Variants in SLCO5A1 observed in about 807,000 individuals in gnomAD.
SLCO5A1 encodes the protein organic anion transporter polypeptide-related protein 4.
Under a neutral mutation model 65.1 loss-of-function variants are expected in SLCO5A1, and 39 were observed. The ratio of observed to expected loss-of-function variants is 0.60; its 90% confidence interval spans 0.46 to 0.78. The LOEUF (loss-of-function observed/expected upper bound fraction) is 0.78. Among genes scored for constraint, SLCO5A1 ranks in the 30% least tolerant of loss-of-function variants. SLCO5A1 has a pLI of 0.00. For synonymous variants in SLCO5A1, 438 were observed against 415.7 expected, an observed-to-expected ratio of 1.05 and a Z score of -0.65; for missense variants, 1,029 against 1,069.4, an observed-to-expected ratio of 0.96 and a Z score of 0.53.
intron 2 of SLCO5A1, among the ~76,000 whole-genome samples, chr8:69,805,682 G>A (rs1037957721): frequency 1.3e-5 from 2 of 152,098 alleles, no homozygotes; most frequent in Admixed American, 1.3e-4. Flanking sequence ...ACATACAATG[G>A]TATACACCAG....
At chr8:69,814,152 C>T (rs562119450) in intron 2 of SLCO5A1, among the ~76,000 whole-genome samples, 244 of 152,102 alleles carry the variant, frequency 1.6e-3, no homozygotes, top group Middle Eastern at 3.4e-3. Flanking sequence ...TTGAATATGA[C>T]CCCAAAAGTG....
At chr8:69,733,569 G>A (rs1199817528) in intron 5 of SLCO5A1, among the ~76,000 whole-genome samples, 4 of 152,188 alleles carry the variant, frequency 2.6e-5, no homozygotes, top group Admixed American at 6.5e-5. Flanking sequence ...ATCTCAAATT[G>A]TAATCCCCGT....
intron 3 of SLCO5A1, among the ~76,000 whole-genome samples, chr8:69,759,951 T>A (rs1817694959): frequency 6.6e-6 from 1 of 152,136 alleles, no homozygotes; most frequent in Non-Finnish European, 1.5e-5. Flanking sequence ...CCGGCCCTCA[T>A]CTCTCAATTT....
chr8:69,826,827 G>T (rs1323943388), intron 2 of SLCO5A1, among the ~76,000 whole-genome samples: 1 of 152,090 alleles, frequency 6.6e-6, no homozygotes, highest in Non-Finnish European at 1.5e-5. Context: ...AAATCATGCT[G>T]CTATAAAGAC....
chr8:69,708,498 T>G (rs1815073401), intron 5 of SLCO5A1, among the ~76,000 whole-genome samples: 1 of 151,736 alleles, frequency 6.6e-6, no homozygotes, highest in African/African-American at 2.4e-5. Context: ...GAGGCAGAAG[T>G]TGCAGTGAGC....
At chr8:69,781,557 C>T (rs572178859) in intron 2 of SLCO5A1, among the ~76,000 whole-genome samples, 1 of 152,220 alleles carries the variant, frequency 6.6e-6, no homozygotes, top group South Asian at 2.1e-4. Flanking sequence ...CTGTAAGATA[C>T]TGTGCTAAGG....
intron 4 of SLCO5A1, among the ~76,000 whole-genome samples, chr8:69,749,990 G>A (rs1178684884): frequency 2.0e-5 from 3 of 152,184 alleles, no homozygotes; most frequent in Non-Finnish European, 4.4e-5. Flanking sequence ...CAGCACAAGC[G>A]TGGCAAGTGT....
At chr8:69,690,993 C>G (rs1377378962) in intron 6 of SLCO5A1, among the ~76,000 whole-genome samples, 1 of 152,158 alleles carries the variant, frequency 6.6e-6, no homozygotes, top group East Asian at 1.9e-4. Flanking sequence ...ATACAGACAT[C>G]AGACTTAACC....
intron 6 of SLCO5A1, among the ~76,000 whole-genome samples, chr8:69,701,097 G>A (rs1293328099): frequency 2.6e-5 from 4 of 152,172 alleles, no homozygotes; most frequent in Admixed American, 2.6e-4. Context: ...TGACTCCAAG[G>A]AGTGGGGAAA....
chr8:69,821,629 C>T lies in SLCO5A1; in HGVS notation c.907+10138G>A, dbSNP rs942826074. 7.9e-5 allele frequency among the ~76,000 whole-genome samples: 12 copies of T among 151,398 alleles called. 1 individual carries two copies. Among genetic ancestry groups the T allele is most frequent in the Admixed American group, 7.9e-4 (12 of 15,198 alleles). ...TTCAAGAACAGCCTGGGCAACATAG[C>T]AAAACCCTATATTTACAAAAATACA... On this transcript the variant is annotated intron_variant, in intron 2 of 9. Coordinates refer to ENST00000260126, the MANE Select transcript of SLCO5A1 (RefSeq NM_030958.3).
intron 2 of SLCO5A1, among the ~76,000 whole-genome samples, chr8:69,795,664 T>A (rs2130897045): frequency 6.6e-6 from 1 of 152,320 alleles, no homozygotes; most frequent in Non-Finnish European, 1.5e-5. Context: ...GATCCACTAT[T>A]CTGGGGTCTG....
chr8:69,698,480 A>G (rs1814591066), intron 6 of SLCO5A1, among the ~76,000 whole-genome samples: 1 of 152,240 alleles, frequency 6.6e-6, no homozygotes, highest in Admixed American at 6.5e-5. Flanking sequence ...CCAGCAGTGT[A>G]TAAGCATTTC....
At chr8:69,721,053 C>T (rs751074059) in intron 5 of SLCO5A1, among the ~76,000 whole-genome samples, 1 of 152,214 alleles carries the variant, frequency 6.6e-6, no homozygotes, top group Non-Finnish European at 1.5e-5. Flanking sequence ...CATTTCCCAG[C>T]CTCCCTTGCA....
intron 6 of SLCO5A1, among the ~76,000 whole-genome samples, chr8:69,689,201 T>G (rs1419517122): frequency 7.8e-6 from 1 of 127,606 alleles, no homozygotes; most frequent in Non-Finnish European, 1.7e-5. Flanking sequence ...TTTTTTCTTG[T>G]AAATTTGTTG....
intron 5 of SLCO5A1, among the ~76,000 whole-genome samples, chr8:69,709,243 AGGACT>A: frequency 6.6e-6 from 1 of 152,320 alleles, no homozygotes; most frequent in South Asian, 2.1e-4. Flanking sequence ...GGATGCAGAG[AGGACT>A]TAAACACATT....
At chr8:69,706,627 G>A (rs965244526) in intron 5 of SLCO5A1, among the ~76,000 whole-genome samples, 2 of 152,158 alleles carry the variant, frequency 1.3e-5, no homozygotes, top group Non-Finnish European at 2.9e-5. Flanking sequence ...AGCCTTCTAT[G>A]AGAAATTGGG....
intron 4 of SLCO5A1, among the ~76,000 whole-genome samples, chr8:69,754,123 G>A (rs776618954): frequency 6.6e-6 from 1 of 151,822 alleles, no homozygotes; most frequent in Non-Finnish European, 1.5e-5. Flanking sequence ...TAGCCATAAT[G>A]GTCTACAATA....
chr8:69,802,007 A>G (rs1351522930), intron 2 of SLCO5A1, among the ~76,000 whole-genome samples: 6 of 152,138 alleles, frequency 3.9e-5, no homozygotes, highest in African/African-American at 1.4e-4. Flanking sequence ...CAGTTTTCCC[A>G]GTTAGAGAAT....
At chr8:69,774,983 TA>T (rs1394427925) in intron 2 of SLCO5A1, among the ~76,000 whole-genome samples, 3 of 152,238 alleles carry the variant, frequency 2.0e-5, no homozygotes, top group African/African-American at 7.2e-5. Context: ...CACAGGCAGA[TA>T]AGAGGCCTTT....
Sources: gnomAD v4.1 joint callset for allele counts (sites outside exome capture counted in the v4.1 genomes callset) on GRCh38, gnomAD v4.1.1 for gene constraint, MANE v1.5 for transcripts, NCBI Gene and HGNC (gene_info 2026-07-23, HGNC 2026-07-21) for gene names.